The following SNED1 variants were observed in gnomAD, a reference collection of about 807,000 sequenced individuals.
SNED1 encodes sushi, nidogen and EGF like domains 1.
Under a neutral mutation model 166.7 loss-of-function variants are expected in SNED1, and 81 were observed. The ratio of observed to expected loss-of-function variants is 0.49; its 90% CI spans 0.41 to 0.58. The LOEUF (loss-of-function observed/expected upper bound fraction) is 0.58. SNED1 is among the 20% of genes least tolerant of loss of function. The pLI, the probability that SNED1 is intolerant of heterozygous loss-of-function variation, is 0.00. For synonymous variants in SNED1, 762 were observed against 822.0 expected, an observed-to-expected ratio of 0.93 and a Z score of 1.25; for missense variants, 1,604 against 2,000.2, an observed-to-expected ratio of 0.80 and a Z score of 3.78.
rs1260107356 is a variant in SNED1 at position 241,073,230 on chromosome 2, AG to A, written c.3818-35del. ...CCCAGGACCATCCCGGGTGCAAAGC[AG>A]CTGCGCCGTGTGGTCACCGCCTGGC... On this transcript the variant is annotated intron_variant, in intron 26 of 31. Transcript: ENST00000310397. This position sits in a 1 kb window ranked among gnomAD's most constrained non-coding sequence, Gnocchi z 6.6. The A allele has an allele frequency of 6.7e-7, 1 of 1,486,540 alleles. No individual in the cohort carries two copies. Among genetic ancestry groups the A allele is most frequent in the Admixed American group, 2.0e-5 (1 of 50,740 alleles). The allele number at this position is 1,486,540 out of a possible 1,614,324, so 92.1% of individuals were successfully genotyped here.
intron 12 of SNED1, among the ~76,000 whole-genome samples, chr2:241,050,913 G>A (rs771950398): frequency 8.5e-5 from 13 of 152,288 alleles, no homozygotes; most frequent in South Asian, 2.1e-4. Flanking sequence ...TTCTGTGCCC[G>A]CCCCAGGAAC....
At chr2:241,037,936 T>C (rs1388330213) in intron 6 of SNED1, among the ~76,000 whole-genome samples, 1 of 152,192 alleles carries the variant, frequency 6.6e-6, no homozygotes, top group East Asian at 1.9e-4. Flanking sequence ...AAACCTCAGC[T>C]TGCCCTCCCA....
chr2:241,006,043 G>T (rs1367518561), intron 1 of SNED1, among the ~76,000 whole-genome samples: 2 of 151,812 alleles, frequency 1.3e-5, no homozygotes, highest in Admixed American at 6.6e-5. Flanking sequence ...TCTTACTATT[G>T]TCCTAGAGCT....
At chr2:241,016,062 A>G (rs972662435) in intron 1 of SNED1, 5 of 152,034 alleles carry the variant, frequency 3.3e-5, no homozygotes, top group African/African-American at 1.2e-4. Flanking sequence ...TGGCAAATTA[A>G]ATTAATAAAG....
chr2:241,008,379 G>A lies in SNED1; in HGVS notation c.213+9329G>A, dbSNP rs1045385890. Reference sequence around the variant, plus strand: ...CCTGCCTCCTATTCACCACGAAGGGGTGGCCAGGACAAGCTGCCCCCACAG... The same window carrying A: ...CCTGCCTCCTATTCACCACGAAGGGATGGCCAGGACAAGCTGCCCCCACAG... On this transcript the variant is annotated intron_variant, in intron 1 of 31. Transcript: ENST00000310397. 3.3e-5 allele frequency among the ~76,000 whole-genome samples: 5 copies of A among 152,230 alleles called. No homozygotes were observed. In the South Asian group the frequency reaches 8.3e-4, roughly 25 times the overall value.
intron 1 of SNED1, among the ~76,000 whole-genome samples, chr2:241,016,850 CTTTTTTT>C (rs5839783): frequency 7.9e-6 from 1 of 125,814 alleles, no homozygotes; most frequent in Non-Finnish European, 1.7e-5. Context: ...TTCTTTCTTT[CTTTTTTT>C]TTTTTTTTTT....
chr2:241,035,027 CTG>C (rs1271382655), intron 4 of SNED1, among the ~76,000 whole-genome samples: 1 of 152,104 alleles, frequency 6.6e-6, no homozygotes, highest in African/African-American at 2.4e-5. Context: ...AGGGAACCCT[CTG>C]GAGACTGCGG....
At position 241,066,720 on chromosome 2, in the gene SNED1, A is replaced by G. The variant is rs546921008; in HGVS notation, c.3011-1044A>G. ...CGGCCACGTGAGTTTGGTGAAACCT[A>G]TGGGTAGCATGGCGGGTAGGTGGGG... On this transcript the variant is annotated intron_variant, in intron 21 of 31. Transcript: ENST00000310397. Among the ~76,000 whole-genome samples the G allele has an allele frequency of 2.6e-5, 4 of 152,274 alleles. 1 individual carries two copies. The South Asian group carries it at 6.2e-4, about 24-fold the overall frequency.
At chr2:241,036,061 A>G (rs1344185621) in intron 4 of SNED1, among the ~76,000 whole-genome samples, 539 of 6,882 alleles carry the variant, frequency 0.078, 3 homozygotes, top group East Asian at 0.21. Context: ...GGTGCGTCAC[A>G]GGGTGGGGGG....
upstream of SNED1, among the ~76,000 whole-genome samples, chr2:240,998,221 G>A (rs1410875864): frequency 6.6e-6 from 1 of 152,254 alleles, no homozygotes; most frequent in African/African-American, 2.4e-5. Context: ...CTGGAAGCCT[G>A]GCGTCCCCAT....
rs955218539 is a variant in SNED1, at chr2:241,068,955, T to G, written c.3239T>G (p.Leu1080Arg). 1 of 1,555,948 alleles carries G rather than the reference T, an allele frequency of 6.4e-7. No homozygotes were observed. The highest frequency in any genetic ancestry group is 8.7e-7 in the Non-Finnish European group (1 of 1,150,052). Residue 1080 changes from leucine (L) to arginine (R), a missense_variant, in exon 23 of 32, where the codon CTC (leucine) becomes CGC (arginine). By Grantham distance (102) the Leu-to-Arg change is moderately radical (BLOSUM62 -2). This residue lies in a region of SNED1 where 1,237 missense variants were observed against 1,620.8 expected (regional missense o/e 0.76). Transcript: ENST00000310397. This position sits in a 1 kb window ranked among gnomAD's most constrained non-coding sequence, Gnocchi z 5.3. ...AGGTACACCATCCAGCTGACCACCC[T>G]CAGTGGGCTCAGGGGAGAGGAGCAC... Reference protein sequence around the residue: ...GKRYTIQLTTLSGLRGEEHPT... With the variant: ...GKRYTIQLTTRSGLRGEEHPT...
intron 5 of SNED1, 68 bp from the exon 6 acceptor site, chr2:241,037,172 C>T (rs531609568): frequency 3.8e-5 from 52 of 1,360,646 alleles, no homozygotes; most frequent in Admixed American, 1.2e-4. Context: ...CGGCCCAACC[C>T]GAGCCCTTAG....
At chr2:241,002,759 G>A (rs529039536) in intron 1 of SNED1, among the ~76,000 whole-genome samples, 44 of 152,146 alleles carry the variant, frequency 2.9e-4, no homozygotes, top group African/African-American at 1.0e-3. Context: ...CCTGCGTCCA[G>A]CTGCCTCTTA....
At chr2:241,024,771 A>G (rs2060901741) in intron 1 of SNED1, among the ~76,000 whole-genome samples, 1 of 151,488 alleles carries the variant, frequency 6.6e-6, no homozygotes, top group Non-Finnish European at 1.5e-5. Context: ...TCCCAGGTTC[A>G]AGCAATTCTC....
At position 241,069,009 on chromosome 2, in the gene SNED1, C is replaced by T. The variant is rs776683595; in HGVS notation, c.3293C>T (p.Thr1098Met). The T allele has an allele frequency of 1.1e-4, 171 of 1,551,408 alleles. No homozygotes were observed. The highest frequency in any genetic ancestry group is 3.3e-4 in the Middle Eastern group (2 of 6,006). Residue 1098 changes from threonine to methionine, a missense_variant, in exon 23 of 32, where the codon ACG becomes ATG. By Grantham distance (81) the Thr-to-Met change is moderately conservative. Coordinates refer to ENST00000310397, the MANE Select transcript of SNED1 (RefSeq NM_001080437.3). The surrounding 1 kb of genome is among the most constrained non-coding windows in gnomAD (Gnocchi z 4.9). ...HPTESLATAP[T>M]HVWTRPLPPA... ...ACAGAGAGCCTGGCCACCGCGCCGA[C>T]GCACGTGTGGACCCGTGAGTAGAGC... is the stretch of plus-strand genomic sequence containing the variant.
Position 241,033,590 on chromosome 2 carries a change from G to A in SNED1, c.502-145G>A, listed in dbSNP as rs1384391342. On this transcript the variant is annotated intron_variant, in intron 2 of 31. Transcript: ENST00000310397. ...GATGAGGCCACCAAGGTCCTGCCTC[G>A]GCTGCCCGTCCAGCTGGAAGACACA... 88 of 925,202 alleles carry A rather than the reference G, an allele frequency of 9.5e-5. No individual in the cohort carries two copies. In the South Asian group the frequency reaches 1.1e-3, roughly 12 times the overall value. 57.3% of individuals were successfully genotyped at this position (925,202 alleles called of 1,614,324 possible).
At position 241,053,246 on chromosome 2, in the gene SNED1, G is replaced by A. The variant is rs376916532; in HGVS notation, c.2177G>A (p.Arg726His). The change falls in exon 16 of 32, where the codon CGT (arginine) becomes CAT (histidine). Residue 726 changes from arginine (R) to histidine (H), a missense_variant. Transcript: ENST00000310397. ...LGAVALYACD[R>H]GYSLSAPSRI... ...GCGGTGGCCCTGTATGCATGTGACC[G>A]TGGCTACAGCCTGAGCGCCCCCAGC... 8 of 1,608,004 alleles carry A rather than the reference G, an allele frequency of 5.0e-6. No individual in the cohort carries two copies. Among genetic ancestry groups the A allele is most frequent in the South Asian group, 3.3e-5 (3 of 90,884 alleles).
intron 29 of SNED1, among the ~76,000 whole-genome samples, chr2:241,085,300 T>C (rs1003167519): frequency 1.2e-4 from 19 of 152,210 alleles, no homozygotes; most frequent in Admixed American, 1.3e-4. Flanking sequence ...TTTTTCAGTC[T>C]TTTCATTTTG....
chr2:241,050,273 T>G (rs1050441584), intron 12 of SNED1, among the ~76,000 whole-genome samples: 3 of 152,246 alleles, frequency 2.0e-5, no homozygotes, highest in Non-Finnish European at 4.4e-5. Flanking sequence ...TAATTCAGCA[T>G]GGAAAATGTC....
Sources: allele counts gnomAD v4.1 joint callset (sites outside exome capture counted in the v4.1 genomes callset), GRCh38; gene constraint gnomAD v4.1.1; regional missense constraint gnomAD v4.1.1; non-coding constraint Gnocchi (gnomAD v3.1); transcripts MANE v1.5; gene names NCBI Gene and HGNC (gene_info 2026-07-23, HGNC 2026-07-21).